The following ZSWIM4 variants were observed in gnomAD, a reference collection of about 807,000 sequenced individuals.
ZSWIM4 encodes the protein zinc finger SWIM-type containing 4.
A neutral mutation model predicts 102.5 loss-of-function variants in ZSWIM4; 62 were observed. The ratio of observed to expected loss-of-function variants is 0.60; its 90% CI spans 0.49 to 0.75. The LOEUF (loss-of-function observed/expected upper bound fraction) is 0.75. Among genes scored for constraint, ZSWIM4 ranks in the 30% least tolerant of loss-of-function variants. ZSWIM4 has a pLI of 0.00. For missense variants in ZSWIM4, 1,280 were observed against 1,529.6 expected, an observed-to-expected ratio of 0.84 and a Z score of 2.72; for synonymous variants, 652 against 674.5, an observed-to-expected ratio of 0.97 and a Z score of 0.52.
chr19:13,800,997 G>T (rs1397804596), intron 2 of ZSWIM4, among the ~76,000 whole-genome samples: 1 of 152,124 alleles, frequency 6.6e-6, no homozygotes, highest in East Asian at 1.9e-4. Context: ...CAAAAAATGA[G>T]CTGGGCATGG....
In ZSWIM4 at chr19:13,830,928, C is replaced by G; in HGVS notation, c.3199C>G (p.Arg1067Gly). The G allele has an allele frequency of 6.2e-7, 1 of 1,614,200 alleles. No homozygotes were observed. Among genetic ancestry groups the G allele is most frequent in the Non-Finnish European group, 8.5e-7 (1 of 1,180,028 alleles). ...GDFIEFLGKARETFLLAPDGH... is the reference protein window; with the variant it reads ...GDFIEFLGKAGETFLLAPDGH... Reference sequence around the variant, plus strand: ...TTTCATCGAATTCCTGGGCAAGGCCCGGGAGACCTTCCTGCTGGCGCCCGA... The same window carrying G: ...TTTCATCGAATTCCTGGGCAAGGCCGGGGAGACCTTCCTGCTGGCGCCCGA... The change falls in exon 14 of 14, where the codon CGG becomes GGG. Residue 1067 changes from arginine to glycine, a missense_variant. By Grantham distance (125) the Arg-to-Gly change is moderately radical. Transcript: ENST00000590508.
chr19:13,810,869 C>T (rs949127720), intron 5 of ZSWIM4, among the ~76,000 whole-genome samples: 1 of 149,142 alleles, frequency 6.7e-6, no homozygotes. Context: ...CTCGGCTTCC[C>T]AAAGGGTTGG....
Position 13,809,367 on chromosome 19 carries a change from G to A in ZSWIM4, c.1012+147G>A, listed in dbSNP as rs1309252535. The A allele has an allele frequency of 1.7e-6, 2 of 1,162,810 alleles. No individual in the cohort carries two copies. Among genetic ancestry groups the A allele is most frequent in the Non-Finnish European group, 2.3e-6 (2 of 851,682 alleles). 72.0% of individuals were successfully genotyped at this position (1,162,810 alleles called of 1,614,324 possible). ...GAGCGCCTCTAAAGTGCCAGGCATGGTACTGGGCACTGGTGGTCCGGCAGA... is the reference window on the plus strand; with the variant it reads ...GAGCGCCTCTAAAGTGCCAGGCATGATACTGGGCACTGGTGGTCCGGCAGA... On this transcript the variant is annotated intron_variant, in intron 5 of 13. Transcript: ENST00000590508. The surrounding 1 kb of genome is among the most constrained non-coding windows in gnomAD (Gnocchi z 4.2).
At chr19:13,813,367 C>T (rs971579307) in intron 6 of ZSWIM4, among the ~76,000 whole-genome samples, 28 of 152,154 alleles carry the variant, frequency 1.8e-4, no homozygotes, top group Non-Finnish European at 3.8e-4. Context: ...GCAATGGCAG[C>T]CCAAGTGGGC....
Position 13,804,968 on chromosome 19 carries a change from C to T in ZSWIM4, c.532C>T (p.His178Tyr), listed in dbSNP as rs1356661024. 7.4e-6 allele frequency: 12 copies of T among 1,613,066 alleles called. No homozygotes were observed. Among genetic ancestry groups the T allele is most frequent in the East Asian group, 4.5e-5 (2 of 44,892 alleles). Residue 178 changes from histidine (H) to tyrosine (Y), a missense_variant, in exon 3 of 14, where the codon CAC (histidine) becomes TAC (tyrosine). His to Tyr is a moderately conservative substitution (Grantham distance 83). Coordinates refer to ENST00000590508, the MANE Select transcript of ZSWIM4 (RefSeq NM_001367834.3). ...GGCCCTGTCCCTGTACCGCATTCGG[C>T]ACGCCCACCAGGTGGAGCTGCGGCT... Reference protein sequence around the residue: ...VVALSLYRIRHAHQVELRLPI... With the variant: ...VVALSLYRIRYAHQVELRLPI...
At chr19:13,824,380 G>A (rs1227559224) in intron 11 of ZSWIM4, among the ~76,000 whole-genome samples, 1 of 151,832 alleles carries the variant, frequency 6.6e-6, no homozygotes, top group Non-Finnish European at 1.5e-5. Context: ...AATCACTTGA[G>A]GCCAGAAGTT....
chr19:13,804,879 G>C lies in ZSWIM4; in HGVS notation c.443G>C (p.Cys148Ser). Residue 148 changes from cysteine (C) to serine (S), a missense_variant, in exon 3 of 14, where the codon TGC becomes TCC. Coordinates refer to ENST00000590508, the MANE Select transcript of ZSWIM4 (RefSeq NM_001367834.3). ...LYHVSISFDR[C>S]KITSVSCGCD... ...CATGTCTCCATCAGCTTTGATCGCT[G>C]CAAGATCACGTCCGTGAGCTGCGGC... The C allele has an allele frequency of 6.2e-7, 1 of 1,613,562 alleles. No homozygotes were observed. Among genetic ancestry groups the C allele is most frequent in the African/African-American group, 1.3e-5 (1 of 75,040 alleles).
At chr19:13,826,537 G>C (rs1975615964) in intron 12 of ZSWIM4, among the ~76,000 whole-genome samples, 1 of 151,974 alleles carries the variant, frequency 6.6e-6, no homozygotes. Context: ...GAGGCCGAGG[G>C]GGGCAGATCA....
rs368257064 is a variant in ZSWIM4 at position 13,817,199 on chromosome 19, C to T, written c.1532-17C>T. ...GGGCAGGTGTGTGGGCATTGAGCCC[C>T]CTCTTTCCACCTGCAGAGCTGCTCC... On this transcript the variant is annotated splice_polypyrimidine_tract_variant and intron_variant, in intron 7 of 13. Coordinates refer to ENST00000590508, the MANE Select transcript of ZSWIM4 (RefSeq NM_001367834.3). 6.2e-7 allele frequency: 1 copy of T among 1,602,678 alleles called. No individual in the cohort carries two copies. The highest frequency in any genetic ancestry group is 8.5e-7 in the Non-Finnish European group (1 of 1,171,972).
intron 8 of ZSWIM4, 104 bp from the exon 9 acceptor site, chr19:13,817,618 C>G: frequency 7.0e-7 from 1 of 1,424,524 alleles, no homozygotes; most frequent in Admixed American, 2.4e-5. Flanking sequence ...TGGGCTCCCT[C>G]TAAAGCCTAC....
At chr19:13,800,448 G>C in intron 2 of ZSWIM4, among the ~76,000 whole-genome samples, 1 of 151,848 alleles carries the variant, frequency 6.6e-6, no homozygotes, top group Non-Finnish European at 1.5e-5. Context: ...TGTATTTTTA[G>C]TAGAGACGGG....
chr19:13,821,699 G>A (rs1370823260), intron 10 of ZSWIM4, among the ~76,000 whole-genome samples: 1 of 151,540 alleles, frequency 6.6e-6, no homozygotes, highest in South Asian at 2.1e-4. Flanking sequence ...ACAGGTACTT[G>A]TCACCATGCC....
intron 3 of ZSWIM4, among the ~76,000 whole-genome samples, chr19:13,807,040 T>G (rs1804248539): frequency 6.6e-6 from 1 of 152,042 alleles, no homozygotes; most frequent in South Asian, 2.1e-4. Flanking sequence ...GGGTGATAAC[T>G]AATAGTTATC....
Position 13,809,188 on chromosome 19 carries a change from C to T in ZSWIM4, c.980C>T (p.Thr327Met), listed in dbSNP as rs746661524. Residue 327 changes from threonine to methionine, a missense_variant, in exon 5 of 14, where the codon ACG (threonine) becomes ATG (methionine). Coordinates refer to ENST00000590508, the MANE Select transcript of ZSWIM4 (RefSeq NM_001367834.3). The surrounding 1 kb of genome is among the most constrained non-coding windows in gnomAD (Gnocchi z 4.2). ...ALWRQQGAGM[T>M]DKCRQLWDEL... ...TGGCGGCAGCAGGGCGCGGGCATGACGGACAAGTGCCGGCAGCTCTGGGAT... is the reference window on the plus strand; with the variant it reads ...TGGCGGCAGCAGGGCGCGGGCATGATGGACAAGTGCCGGCAGCTCTGGGAT... 1.9e-5 allele frequency: 31 copies of T among 1,610,982 alleles called. No individual in the cohort carries two copies. Among genetic ancestry groups the T allele is most frequent in the African/African-American group, 8.0e-5 (6 of 74,896 alleles).
chr19:13,800,039 T>C (rs924277485), intron 2 of ZSWIM4, 118 bp downstream of exon 2: 1 of 871,546 alleles, frequency 1.1e-6, no homozygotes, highest in Non-Finnish European at 1.7e-6. Flanking sequence ...ACCTCAGGCT[T>C]CGAGGCCCAG....
At chr19:13,800,486 C>T (rs62124239) in intron 2 of ZSWIM4, among the ~76,000 whole-genome samples, 1 of 151,728 alleles carries the variant, frequency 6.6e-6, no homozygotes, top group Non-Finnish European at 1.5e-5. Flanking sequence ...AGGATGGTCT[C>T]GATCTCCTGA....
intron 9 of ZSWIM4, among the ~76,000 whole-genome samples, chr19:13,818,987 C>G (rs942487571): frequency 1.3e-5 from 2 of 152,070 alleles, no homozygotes; most frequent in Admixed American, 6.6e-5. Context: ...CTCAGCCTCC[C>G]GAGTAGCTGG....
chr19:13,815,456 A>ATTTTTTTTTTTTTTTTTT lies in ZSWIM4; in HGVS notation c.1531+606_1531+623dup, dbSNP rs758486796. On this transcript the variant is annotated intron_variant, in intron 7 of 13. Coordinates refer to ENST00000590508, the MANE Select transcript of ZSWIM4 (RefSeq NM_001367834.3). ...CAGGCTTGAGCCACCGTGCCTGGAA[A>ATTTTTTTTTTTTTTTTTT]TTTTTTTTTTTTTTTTTTTTTTTTT... The ATTTTTTTTTTTTTTTTTT allele has an allele frequency of 6.9e-5, 4 of 58,160 alleles. 1 individual carries two copies. The highest frequency in any genetic ancestry group is 3.1e-4 in the African/African-American group (4 of 12,706). 3.6% of individuals were successfully genotyped at this position (58,160 alleles called of 1,614,324 possible).
intron 11 of ZSWIM4, 84 bp downstream of exon 11, chr19:13,823,584 C>T (rs1283392435): frequency 6.8e-7 from 1 of 1,468,168 alleles, no homozygotes; most frequent in African/African-American, 1.4e-5. Flanking sequence ...CCTGCCTCCT[C>T]TTATCCTTTC....
Sources: allele counts gnomAD v4.1 joint callset (sites outside exome capture counted in the v4.1 genomes callset), GRCh38; gene constraint gnomAD v4.1.1; non-coding constraint Gnocchi (gnomAD v3.1); transcripts MANE v1.5; gene names NCBI Gene and HGNC (gene_info 2026-07-23, HGNC 2026-07-21).